SLC1A6: variants seen among roughly 807,000 people sequenced by gnomAD.
SLC1A6 encodes the protein solute carrier family 1 member 6.
Under a neutral mutation model 42.1 loss-of-function variants are expected in SLC1A6, and 15 were observed. The ratio of observed to expected loss-of-function variants is 0.36; its 90% CI spans 0.24 to 0.55. The LOEUF (loss-of-function observed/expected upper bound fraction) is 0.55. SLC1A6 is among the 20% of genes least tolerant of loss of function. The pLI is 0.88. For synonymous variants in SLC1A6, 317 were observed against 319.7 expected, an observed-to-expected ratio of 0.99 and a Z score of 0.09; for missense variants, 542 against 772.5, an observed-to-expected ratio of 0.70 and a Z score of 3.54.
At chr19:14,955,649 T>G (rs1219675980) in intron 7 of SLC1A6, among the ~76,000 whole-genome samples, 2 of 150,794 alleles carry the variant, frequency 1.3e-5, no homozygotes, top group Non-Finnish European at 3.0e-5. Context: ...AAAAAGATAT[T>G]TTTGGCCGGG....
At chr19:14,974,344 G>A (rs953644789) in intron 1 of SLC1A6, 1 of 152,024 alleles carries the variant, frequency 6.6e-6, no homozygotes, top group Non-Finnish European at 1.5e-5. Context: ...ACGACAGAGT[G>A]AGACTCTGTC....
chr19:14,973,001 A>T, intron 1 of SLC1A6, 84 bp from the exon 2 acceptor site: 1 of 1,083,840 alleles, frequency 9.2e-7, no homozygotes. Context: ...GCGAAGGGTA[A>T]TGAGCGCTTC....
At chr19:14,970,754 A>G (rs1007441344) in intron 3 of SLC1A6, among the ~76,000 whole-genome samples, 4 of 151,914 alleles carry the variant, frequency 2.6e-5, no homozygotes, top group African/African-American at 9.7e-5. Context: ...AGCATACAAA[A>G]TATGAGTTAG....
At chr19:14,992,096 G>A (rs1050866021) in intron 1 of SLC1A6, among the ~76,000 whole-genome samples, 5 of 152,216 alleles carry the variant, frequency 3.3e-5, no homozygotes, top group Non-Finnish European at 7.3e-5. Flanking sequence ...AAAGTGCTGG[G>A]ATTACAGGCG....
At chr19:14,971,995 T>C (rs193228578) in intron 2 of SLC1A6, 121 bp from the exon 3 acceptor site, 82 of 807,772 alleles carry the variant, frequency 1.0e-4, no homozygotes, top group Non-Finnish European at 1.4e-4. Context: ...ATCCTATGAG[T>C]GTGTGTATTT....
At chr19:14,980,769 T>C (rs1180509712), upstream of SLC1A6, among the ~76,000 whole-genome samples, 2 of 151,870 alleles carry the variant, frequency 1.3e-5, no homozygotes, top group African/African-American at 4.8e-5. Flanking sequence ...TTAATACTTA[T>C]ATTTAATCTA....
intron 1 of SLC1A6, among the ~76,000 whole-genome samples, chr19:14,995,341 AAAAG>A (rs138218176): frequency 0.2 from 23,114 of 113,602 alleles, 3,771 homozygotes; most frequent in Middle Eastern, 0.29. Context: ...AAAAAAAAAA[AAAAG>A]AAAGAAAGAA....
intron 1 of SLC1A6, among the ~76,000 whole-genome samples, chr19:14,994,154 T>C (rs2145234588): frequency 6.6e-6 from 1 of 152,218 alleles, no homozygotes; most frequent in South Asian, 2.1e-4. Context: ...CTCCCCTTGT[T>C]CTGTGTCCAG....
At position 14,979,096 on chromosome 19, in the gene SLC1A6, A is replaced by ACACG. The variant is rs781010394; in HGVS notation, c.-8+212_-8+213insCGTG. Among the ~76,000 whole-genome samples, 1 of 142,300 alleles carries ACACG rather than the reference A, an allele frequency of 7.0e-6. No homozygotes were observed. The highest frequency in any genetic ancestry group is 1.5e-5 in the Non-Finnish European group (1 of 65,792). 93.4% of individuals were successfully genotyped at this position (142,300 alleles called of 152,430 possible). ...CACACACACACACACACACACACAC[A>ACACG]CTAATGCCCAGACCCTCTGCAGCCT... is the stretch of plus-strand genomic sequence containing the variant. On this transcript the variant is annotated intron_variant, in intron 1 of 9. Coordinates refer to ENST00000594383, the MANE Select transcript of SLC1A6 (RefSeq NM_005071.3). The surrounding 1 kb of genome is among the most constrained non-coding windows in gnomAD (Gnocchi z 4.2).
In SLC1A6 at chr19:14,972,766, C is replaced by T. The variant is rs1248195866; in HGVS notation, c.145G>A (p.Val49Met). 3.1e-6 allele frequency: 5 copies of T among 1,613,874 alleles called. No homozygotes were observed. The Admixed American group carries it at 8.3e-5, about 27-fold the overall frequency. Reference protein sequence around the residue: ...LRLQTMTLEHVLRFLRRNAFI... With the variant: ...LRLQTMTLEHMLRFLRRNAFI... ...GCGTTTCGGCGCAGGAAGCGCAGCA[C>T]GTGCTCGAGGGTCATGGTCTGCAGG... is the stretch of plus-strand genomic sequence containing the variant. Residue 49 changes from valine (V) to methionine (M), a missense_variant, in exon 2 of 10, where the codon GTG becomes ATG. Val to Met is a conservative substitution (Grantham distance 21, BLOSUM62 1). Coordinates refer to ENST00000594383, the MANE Select transcript of SLC1A6 (RefSeq NM_005071.3).
At chr19:14,975,100 GA>G (rs909163551) in intron 1 of SLC1A6, 1 of 152,084 alleles carries the variant, frequency 6.6e-6, no homozygotes, top group East Asian at 1.9e-4. Context: ...TGAAAGAGAT[GA>G]AAACATCAGG....
chr19:14,988,702 C>T (rs1392250648), intron 1 of SLC1A6, among the ~76,000 whole-genome samples: 1 of 152,060 alleles, frequency 6.6e-6, no homozygotes. Flanking sequence ...TTATCTTAAG[C>T]GAAATAACTC....
chr19:14,952,318 G>A (rs2045421067), intron 9 of SLC1A6, among the ~76,000 whole-genome samples: 1 of 151,300 alleles, frequency 6.6e-6, no homozygotes, highest in South Asian at 2.1e-4. Context: ...GGAGGCTGAG[G>A]CAGGTGGATC....
intron 6 of SLC1A6, among the ~76,000 whole-genome samples, chr19:14,960,688 CAT>C (rs998731290): frequency 1.3e-5 from 2 of 152,170 alleles, no homozygotes; most frequent in African/African-American, 4.8e-5. Flanking sequence ...ACAAATACCA[CAT>C]GATCTCACTT....
In SLC1A6 at chr19:14,954,338, AAG is replaced by A; in HGVS notation, c.1170-11_1170-10del. 1 of 1,604,256 alleles carries A rather than the reference AAG, an allele frequency of 6.2e-7. No homozygotes were observed. ...TGGGCAGCGTTGCCGAGCTGGGGGA[AAG>A]AGCCCAGGACTGAGGATGGGGCGTG... On this transcript the variant is annotated splice_polypyrimidine_tract_variant and intron_variant, in intron 7 of 9. Coordinates refer to ENST00000594383, the MANE Select transcript of SLC1A6 (RefSeq NM_005071.3).
chr19:14,979,916 C>T (rs62113319), upstream of SLC1A6: 9,017 of 152,022 alleles, frequency 0.059, 278 homozygotes, highest in East Asian at 0.11. The surrounding 1 kb of genome is among the most constrained non-coding windows in gnomAD (Gnocchi z 4.2). Context: ...CCGCCCCCTG[C>T]TCGGAGCCGC....
At chr19:14,954,081 G>A in intron 8 of SLC1A6, 54 bp downstream of exon 8, 6 of 1,106,842 alleles carry the variant, frequency 5.4e-6, no homozygotes, top group Non-Finnish European at 7.7e-6. Flanking sequence ...TCCCAGCCAA[G>A]CTGATGACCG....
intron 6 of SLC1A6, among the ~76,000 whole-genome samples, 189 bp from the exon 7 acceptor site, chr19:14,956,898 A>G (rs1599984315): frequency 6.6e-6 from 1 of 151,678 alleles, no homozygotes; most frequent in South Asian, 2.1e-4. Context: ...AATGAAGCCC[A>G]CCTCCTCCTC....
chr19:14,997,034 A>G (rs2045850673), intron 1 of SLC1A6, among the ~76,000 whole-genome samples: 1 of 152,140 alleles, frequency 6.6e-6, no homozygotes, highest in Admixed American at 6.6e-5. Flanking sequence ...TAGGGCAAAC[A>G]TGCCTCCGAT....
Sources: gnomAD v4.1 joint callset for allele counts (sites outside exome capture counted in the v4.1 genomes callset) on GRCh38, gnomAD v4.1.1 for gene constraint, Gnocchi (gnomAD v3.1) non-coding constraint, MANE v1.5 for transcripts, NCBI Gene and HGNC (gene_info 2026-07-23, HGNC 2026-07-21) for gene names.